ZNF831: variants seen among roughly 807,000 people sequenced by gnomAD.
ZNF831 encodes zinc finger protein 831.
ZNF831 carries 59 observed loss-of-function variants against 95.8 expected under a neutral mutation model. The ratio of observed to expected loss-of-function variants is 0.62; its 90% CI spans 0.50 to 0.77. ZNF831 has a LOEUF of 0.77. Among genes scored for constraint, ZNF831 ranks in the 30% least tolerant of loss-of-function variants. The probability of loss-of-function intolerance (pLI) is 0.00; values close to 1 mark genes in which losing one functional copy is unlikely to be tolerated. For synonymous variants in ZNF831, 961 were observed against 925.5 expected (o/e 1.04, Z -0.70); for missense variants, 2,205 against 2,164.0 (o/e 1.02, Z -0.38).
At position 59,253,754 on chromosome 20, in the gene ZNF831, G is replaced by A. The variant is rs148703261; in HGVS notation, c.4189-144G>A. Reference sequence around the variant, plus strand: ...AGTTATTAATGGAAACTTATTGAGGGCGTCATATTGAAGTTCACCCTTGGT... The same window carrying A: ...AGTTATTAATGGAAACTTATTGAGGACGTCATATTGAAGTTCACCCTTGGT... On this transcript the variant is annotated intron_variant, in intron 5 of 5. Coordinates refer to ENST00000371030, the MANE Select transcript of ZNF831 (RefSeq NM_178457.3). 3.7e-3 allele frequency: 3,207 copies of A among 856,204 alleles called. 14 individuals are homozygous for A. Among genetic ancestry groups the A allele is most frequent in the Non-Finnish European group, 5.0e-3 (2,860 of 572,290 alleles). The allele number at this position is 856,204 out of a possible 1,614,324, so 53.0% of individuals were successfully genotyped here.
At position 59,144,701 on chromosome 20, in the gene ZNF831, G is replaced by A. The variant is rs1162405243; in HGVS notation, c.-1424-1530G>A. On this transcript the variant is annotated intron_variant, in intron 1 of 7. Transcript: ENST00000637017. ...ATAGAAACCCTCAAACCCAGCAGAG[G>A]CACCATTCTTTCCTCTCCTACCCCC... 3.9e-5 allele frequency among the ~76,000 whole-genome samples: 6 copies of A among 152,126 alleles called. No individual in the cohort carries two copies. In the East Asian group the frequency reaches 1.2e-3, roughly 29 times the overall value.
chr20:59,153,345 CT>C (rs1980353128), intron 2 of ZNF831, among the ~76,000 whole-genome samples: 4 of 152,230 alleles, frequency 2.6e-5, no homozygotes, highest in African/African-American at 4.8e-5. Context: ...GACCCCTTGC[CT>C]GACTTTTGAG....
chr20:59,224,890 T>A (rs1452168978), intron 4 of ZNF831, among the ~76,000 whole-genome samples: 1 of 152,242 alleles, frequency 6.6e-6, no homozygotes, highest in Non-Finnish European at 1.5e-5. Flanking sequence ...TGGTTTTGTA[T>A]GTTTTAATAT....
chr20:59,197,160 C>A (rs1984182398), intron 3 of ZNF831, among the ~76,000 whole-genome samples: 1 of 152,120 alleles, frequency 6.6e-6, no homozygotes, highest in Admixed American at 6.5e-5. Flanking sequence ...GCTGCTCAGA[C>A]CCTCAGTGGC....
intron 1 of ZNF831, among the ~76,000 whole-genome samples, chr20:59,181,019 C>T (rs1982575606): frequency 6.6e-6 from 1 of 152,254 alleles, no homozygotes; most frequent in Non-Finnish European, 1.5e-5. Flanking sequence ...TATTTCTCCA[C>T]AGCCTTGTCA....
chr20:59,185,305 A>G (rs1011946915), intron 1 of ZNF831, among the ~76,000 whole-genome samples: 18 of 152,122 alleles, frequency 1.2e-4, no homozygotes, highest in Admixed American at 1.2e-3. Flanking sequence ...AAAGGCGTCA[A>G]TTTCGCAGTG....
At chr20:59,127,271 C>T (rs183628101) in intron 1 of ZNF831, among the ~76,000 whole-genome samples, 249 of 152,244 alleles carry the variant, frequency 1.6e-3, no homozygotes, top group Middle Eastern at 6.8e-3. Flanking sequence ...TTCCATTTCC[C>T]CTGATCATAG....
intron 2 of ZNF831, among the ~76,000 whole-genome samples, chr20:59,149,845 G>A (rs1249487636): frequency 6.6e-6 from 1 of 152,254 alleles, no homozygotes; most frequent in African/African-American, 2.4e-5. Context: ...GCTGGCCGGT[G>A]TGCACAGGGA....
intron 1 of ZNF831, among the ~76,000 whole-genome samples, chr20:59,134,898 T>G (rs1272368933): frequency 6.6e-6 from 1 of 152,174 alleles, no homozygotes; most frequent in Non-Finnish European, 1.5e-5. Flanking sequence ...CTTAGAGGGT[T>G]GTGGTGAGGA....
intron 2 of ZNF831, among the ~76,000 whole-genome samples, chr20:59,153,841 C>G (rs1980386244): frequency 6.6e-6 from 1 of 152,244 alleles, no homozygotes; most frequent in African/African-American, 2.4e-5. Context: ...CTAATTGGAG[C>G]TGGGCTAAGA....
intron 1 of ZNF831, among the ~76,000 whole-genome samples, chr20:59,167,563 C>A (rs1981381057): frequency 6.6e-6 from 1 of 151,918 alleles, no homozygotes; most frequent in East Asian, 1.9e-4. Context: ...CTTTTTTTCC[C>A]CTAAGCTTTT....
At chr20:59,178,750 T>C (rs181197457) in intron 1 of ZNF831, among the ~76,000 whole-genome samples, 44 of 152,314 alleles carry the variant, frequency 2.9e-4, no homozygotes, top group Admixed American at 9.8e-4. Flanking sequence ...GCTTTTACTT[T>C]GGCCAGGCAT....
At chr20:59,222,741 A>G (rs911000899) in intron 4 of ZNF831, among the ~76,000 whole-genome samples, 3 of 152,180 alleles carry the variant, frequency 2.0e-5, no homozygotes, top group Non-Finnish European at 4.4e-5. Flanking sequence ...TCCGCGGCGC[A>G]GCACGGCCTG....
At chr20:59,175,466 T>C (rs1387408484) in intron 1 of ZNF831, among the ~76,000 whole-genome samples, 5 of 152,142 alleles carry the variant, frequency 3.3e-5, no homozygotes, top group Admixed American at 1.3e-4. Flanking sequence ...GTTGCTCAGA[T>C]TGGGTAATTT....
Position 59,208,521 on chromosome 20 carries a change from C to G in ZNF831, c.4027+1465C>G, listed in dbSNP as rs1477089570. On this transcript the variant is annotated intron_variant, in intron 4 of 5. Transcript: ENST00000371030. This position sits in a 1 kb window ranked among gnomAD's most constrained non-coding sequence, Gnocchi z 4.2. ...TAAGAGTTTTCCAATGTATAACCCA[C>G]AGCTGGGAATCCAGGTCCAGCCCAG... Among the ~76,000 whole-genome samples, 2 of 152,232 alleles carry G rather than the reference C, an allele frequency of 1.3e-5. No homozygotes were observed. The highest frequency in any genetic ancestry group is 6.5e-5 in the Admixed American group (1 of 15,292).
intron 4 of ZNF831, among the ~76,000 whole-genome samples, chr20:59,242,453 A>G (rs571429359): frequency 1.9e-4 from 29 of 152,314 alleles, no homozygotes; most frequent in South Asian, 1.9e-3. Context: ...TTCTCCTCAT[A>G]TATCCTTTTG....
At chr20:59,186,721 C>T (rs1461453349) in intron 1 of ZNF831, among the ~76,000 whole-genome samples, 1 of 152,196 alleles carries the variant, frequency 6.6e-6, no homozygotes, top group East Asian at 1.9e-4. Context: ...TGGCAGCTAC[C>T]TGTTAATCTC....
intron 1 of ZNF831, among the ~76,000 whole-genome samples, chr20:59,190,083 C>A (rs549802373): frequency 6.6e-6 from 1 of 152,322 alleles, no homozygotes; most frequent in Admixed American, 6.5e-5. Flanking sequence ...CCAAGCTACT[C>A]CTCCTGGCTT....
chr20:59,247,327 A>AT (rs1987666478), intron 4 of ZNF831, among the ~76,000 whole-genome samples: 1 of 152,088 alleles, frequency 6.6e-6, no homozygotes, highest in Admixed American at 6.6e-5. Flanking sequence ...TGCTTGGTGA[A>AT]TTTTTTATAT....
Sources: gnomAD v4.1 joint callset for allele counts (sites outside exome capture counted in the v4.1 genomes callset) on GRCh38, gnomAD v4.1.1 for gene constraint, Gnocchi (gnomAD v3.1) non-coding constraint, MANE v1.5 for transcripts, NCBI Gene and HGNC (gene_info 2026-07-23, HGNC 2026-07-21) for gene names.